Variants in CYP4B1 observed in about 807,000 individuals in gnomAD.
CYP4B1 encodes cytochrome P450 4B1.
Under a neutral mutation model 54.0 loss-of-function variants are expected in CYP4B1, and 45 were observed. That is an observed-to-expected ratio of 0.83 (90% CI 0.66 to 1.07). The LOEUF is 1.07. Ranked by LOEUF, CYP4B1 falls within the 50% of genes least tolerant of loss-of-function variation. The pLI, the probability that CYP4B1 is intolerant of heterozygous loss-of-function variation, is 0.00. For synonymous variants in CYP4B1, 248 were observed against 247.5 expected (o/e 1.00, Z -0.02); for missense variants, 656 against 655.4 (o/e 1.00, Z -0.01).
Position 46,814,889 on chromosome 1 carries a change from A to G in CYP4B1, c.883-185A>G, listed in dbSNP as rs2148409545. 7 of 602,150 alleles carry G rather than the reference A, an allele frequency of 1.2e-5. No individual in the cohort carries two copies. In the South Asian group the frequency reaches 1.4e-4, roughly 12 times the overall value. 37.3% of individuals were successfully genotyped at this position (602,150 alleles called of 1,614,324 possible). ...AGAGCATTTAGGGAGGGCTTTGTGG[A>G]GGAGGAGGCATCCAGGCTGAGCTTT... On this transcript the variant is annotated intron_variant, in intron 7 of 11. Coordinates refer to ENST00000371923, the MANE Select transcript of CYP4B1 (RefSeq NM_001099772.2).
intron 1 of CYP4B1, among the ~76,000 whole-genome samples, chr1:46,805,618 G>A (rs114782717): frequency 3.1e-3 from 472 of 152,290 alleles, no homozygotes; most frequent in African/African-American, 0.011. Flanking sequence ...GGGGTATTTT[G>A]CATTCGATCC....
At position 46,799,123 on chromosome 1, in the gene CYP4B1, C is replaced by G. The variant is rs1323421563; in HGVS notation, c.42C>G (p.Gly14=). The change falls in exon 1 of 12, where the codon GGC becomes GGG. Residue 14 remains glycine (G), a synonymous_variant. Coordinates refer to ENST00000371923, the MANE Select transcript of CYP4B1 (RefSeq NM_001099772.2). ...TCTCCCTGAGCTTCTCCTCCTTGGGCCTGTGGGCTTCTGGGCTGATCTTGG... is the reference window on the plus strand; with the variant it reads ...TCTCCCTGAGCTTCTCCTCCTTGGGGCTGTGGGCTTCTGGGCTGATCTTGG... ...SFLSLSFSSL[G]LWASGLILVL... 6.2e-7 allele frequency: 1 copy of G among 1,614,046 alleles called. No homozygotes were observed. The highest frequency in any genetic ancestry group is 1.7e-5 in the Admixed American group (1 of 60,000).
intron 1 of CYP4B1, among the ~76,000 whole-genome samples, chr1:46,807,518 G>A (rs1678910082): frequency 6.6e-6 from 1 of 152,234 alleles, no homozygotes; most frequent in African/African-American, 2.4e-5. Flanking sequence ...AAATAAGACA[G>A]ACACCAGGGA....
At chr1:46,810,373 C>T (rs1316221672) in intron 1 of CYP4B1, among the ~76,000 whole-genome samples, 1 of 152,162 alleles carries the variant, frequency 6.6e-6, no homozygotes, top group African/African-American at 2.4e-5. Context: ...AGAACAGAGC[C>T]CTGCACATGT....
At position 46,819,082 on chromosome 1, in the gene CYP4B1, T is replaced by G. The variant is rs956980184; in HGVS notation, c.*268T>G. On this transcript the variant is annotated 3_prime_UTR_variant, in exon 12 of 12. Coordinates refer to ENST00000371923, the MANE Select transcript of CYP4B1 (RefSeq NM_001099772.2). ...ACCTATTTCGTTCGAGAAACTTCAT[T>G]TATCTCCTATAATTGGCAAACTTAA... is the stretch of plus-strand genomic sequence containing the variant. 2.8e-6 allele frequency: 1 copy of G among 355,770 alleles called. No homozygotes were observed. Among genetic ancestry groups the G allele is most frequent in the African/African-American group, 2.1e-5 (1 of 48,320 alleles). The allele number at this position is 355,770 out of a possible 1,614,324, so 22.0% of individuals were successfully genotyped here.
chr1:46,815,186 T>C lies in CYP4B1; in HGVS notation c.995T>C (p.Met332Thr). The C allele has an allele frequency of 6.2e-7, 1 of 1,613,550 alleles. No homozygotes were observed. Among genetic ancestry groups the C allele is most frequent in the Non-Finnish European group, 8.5e-7 (1 of 1,179,654 alleles). Reference sequence around the variant, plus strand: ...GGTATCTCCTGGTTTCTCTACTGCATGGCCCTGTACCCTGAGCACCAGCAT... The same window carrying C: ...GGTATCTCCTGGTTTCTCTACTGCACGGCCCTGTACCCTGAGCACCAGCAT... Reference protein sequence around the residue: ...TSGISWFLYCMALYPEHQHRC... With the variant: ...TSGISWFLYCTALYPEHQHRC... The change falls in exon 8 of 12, where the codon ATG becomes ACG. Residue 332 changes from methionine (M) to threonine (T), a missense_variant. Transcript: ENST00000371923.
intron 5 of CYP4B1, 137 bp downstream of exon 5, chr1:46,813,743 C>G: frequency 7.0e-7 from 1 of 1,437,632 alleles, no homozygotes; most frequent in Non-Finnish European, 9.5e-7. Flanking sequence ...GGAGACAGGA[C>G]CTGCTCATGG....
At chr1:46,803,666 T>A (rs837395) in intron 1 of CYP4B1, among the ~76,000 whole-genome samples, 117,530 of 152,092 alleles carry the variant, frequency 0.77, 45,679 homozygotes, top group Admixed American at 0.82. Context: ...CGAGTACTGG[T>A]TTTGGAGAAT....
At chr1:46,815,307 G>A in intron 8 of CYP4B1, 43 bp downstream of exon 8, 2 of 1,498,542 alleles carry the variant, frequency 1.3e-6, no homozygotes, top group South Asian at 2.7e-5. Context: ...TCAGCCCTTG[G>A]GAAGGGCGAT....
Position 46,818,860 on chromosome 1 carries a change from T to TGGGCACCACCCTCCCC in CYP4B1, c.*47_*62dup, listed in dbSNP as rs1557506313. The TGGGCACCACCCTCCCC allele has an allele frequency of 1.9e-6, 3 of 1,590,508 alleles. No homozygotes were observed. Among genetic ancestry groups the TGGGCACCACCCTCCCC allele is most frequent in the Admixed American group, 3.4e-5 (2 of 59,454 alleles). ...CAGATGGCTCAGGCTGTGACCTCCCTGGGCACCACCCTCCCCAGGCTGGGT... is the reference window on the plus strand; with the variant it reads ...CAGATGGCTCAGGCTGTGACCTCCCTGGGCACCACCCTCCCCGGGCACCACCCTCCCCAGGCTGGGT... On this transcript the variant is annotated 3_prime_UTR_variant, in exon 12 of 12. Transcript: ENST00000371923.
chr1:46,818,864 C>T lies in CYP4B1; in HGVS notation c.*50C>T. On this transcript the variant is annotated 3_prime_UTR_variant, in exon 12 of 12. Transcript: ENST00000371923. Reference sequence around the variant, plus strand: ...TGGCTCAGGCTGTGACCTCCCTGGGCACCACCCTCCCCAGGCTGGGTGTGG... The same window carrying T: ...TGGCTCAGGCTGTGACCTCCCTGGGTACCACCCTCCCCAGGCTGGGTGTGG... 1.3e-6 allele frequency: 2 copies of T among 1,579,984 alleles called. No homozygotes were observed. Among genetic ancestry groups the T allele is most frequent in the South Asian group, 2.2e-5 (2 of 89,076 alleles).
intron 1 of CYP4B1, among the ~76,000 whole-genome samples, chr1:46,802,251 G>T (rs1293329804): frequency 2.0e-5 from 3 of 152,160 alleles, no homozygotes; most frequent in African/African-American, 7.2e-5. Flanking sequence ...CTCTGAGACT[G>T]CAGAGGCCTC....
chr1:46,817,244 G>A (rs748871601), intron 9 of CYP4B1, 63 bp downstream of exon 9: 4 of 1,600,074 alleles, frequency 2.5e-6, no homozygotes, highest in Non-Finnish European at 3.4e-6. Flanking sequence ...CACCCTCTGT[G>A]CCTTTAGTCA....
At chr1:46,811,586 A>C (rs1679103396) in intron 3 of CYP4B1, among the ~76,000 whole-genome samples, 1 of 152,234 alleles carries the variant, frequency 6.6e-6, no homozygotes. Context: ...GGGTGGCTAC[A>C]AGGCAGAGCC....
intron 1 of CYP4B1, among the ~76,000 whole-genome samples, chr1:46,802,893 G>C (rs1678716868): frequency 6.6e-6 from 1 of 152,228 alleles, no homozygotes; most frequent in Non-Finnish European, 1.5e-5. Context: ...CCTGTGGCAG[G>C]AAGTGCAGAA....
intron 1 of CYP4B1, among the ~76,000 whole-genome samples, chr1:46,800,291 TTCC>T (rs1236471624): frequency 7.5e-6 from 1 of 134,048 alleles, no homozygotes; most frequent in Non-Finnish European, 1.6e-5. Flanking sequence ...CCTTCCTTCC[TTCC>T]TTCCTTCTTT....
chr1:46,817,948 C>A lies in CYP4B1; in HGVS notation c.1208-17C>A. On this transcript the variant is annotated splice_polypyrimidine_tract_variant and intron_variant, in intron 9 of 11. Transcript: ENST00000371923. ...TACCCAGGACTACCTGGTCACCAAC[C>A]TCTGTTCTGCCCACAGGAAGCCTGA... 1 of 1,613,842 alleles carries A rather than the reference C, an allele frequency of 6.2e-7. No homozygotes were observed. The highest frequency in any genetic ancestry group is 8.5e-7 in the Non-Finnish European group (1 of 1,179,732).
Position 46,809,280 on chromosome 1 carries a change from A to T in CYP4B1, c.181-1528A>T, listed in dbSNP as rs371832610. Among the ~76,000 whole-genome samples, 23 of 152,118 alleles carry T rather than the reference A, an allele frequency of 1.5e-4. No individual in the cohort carries two copies. In the East Asian group the frequency reaches 2.5e-3, roughly 17 times the overall value. On this transcript the variant is annotated intron_variant, in intron 1 of 11. Transcript: ENST00000371923. ...CCCCAGGGCCATTCATGAGGGATCC[A>T]CCCCTATGATGCCAACACCTCCCAT...
chr1:46,812,763 C>A, intron 4 of CYP4B1, 140 bp downstream of exon 4: 1 of 958,366 alleles, frequency 1.0e-6, no homozygotes, highest in Non-Finnish European at 1.6e-6. Flanking sequence ...CTGCCTGCAA[C>A]AGCAGTGCCA....
Sources: gnomAD v4.1 joint callset for allele counts (sites outside exome capture counted in the v4.1 genomes callset) on GRCh38, gnomAD v4.1.1 for gene constraint, MANE v1.5 for transcripts, NCBI Gene and HGNC (gene_info 2026-07-23, HGNC 2026-07-21) for gene names.